ANKRD26: variants seen among roughly 807,000 people sequenced by gnomAD.
ANKRD26 encodes ankyrin repeat domain-containing protein 26.
Under a neutral mutation model 208.7 loss-of-function variants are expected in ANKRD26, and 141 were observed. That is an observed-to-expected ratio of 0.68 (90% CI 0.59 to 0.78). The LOEUF is 0.78. Ranked by LOEUF, ANKRD26 falls within the 30% of genes least tolerant of loss-of-function variation. The probability of loss-of-function intolerance (pLI) is 0.00; values close to 1 mark genes in which losing one functional copy is unlikely to be tolerated. For missense variants in ANKRD26, 1,889 were observed against 1,938.7 expected (o/e 0.97, Z 0.48); for synonymous variants, 636 against 660.4 (o/e 0.96, Z 0.57).
At chr10:26,963,929 T>TG in the ANKRD26 span, among the ~76,000 whole-genome samples, 1 of 142,178 alleles carries the variant, frequency 7.0e-6, no homozygotes, top group Non-Finnish European at 1.5e-5. Flanking sequence ...TTTTTTTTTT[T>TG]GAGACAGGAT....
At chr10:27,053,137 C>G (rs1470213280) in intron 16 of ANKRD26, among the ~76,000 whole-genome samples, 183 bp downstream of exon 16, 1 of 152,010 alleles carries the variant, frequency 6.6e-6, no homozygotes, top group Non-Finnish European at 1.5e-5. Flanking sequence ...AAAAGATTAG[C>G]TATAGGTTAC....
chr10:27,039,551 T>A (rs746209025), intron 21 of ANKRD26, among the ~76,000 whole-genome samples: 1 of 151,968 alleles, frequency 6.6e-6, no homozygotes, highest in Admixed American at 6.6e-5. Flanking sequence ...AATTTAAAAA[T>A]CTGGACCAAA....
Position 27,067,008 on chromosome 10 carries a change from T to C in ANKRD26, c.1207+149A>G. ...TTTTAGTAGAGATGGGGTTTCATCA[T>C]GTTGGCTAGGCTGGTCTCGAACTCC... On this transcript the variant is annotated intron_variant, in intron 10 of 33. Coordinates refer to ENST00000376087, the MANE Select transcript of ANKRD26 (RefSeq NM_014915.3). 3.9e-6 allele frequency: 3 copies of C among 766,456 alleles called. No homozygotes were observed. The East Asian group carries it at 8.4e-5, about 21-fold the overall frequency. 47.5% of individuals were successfully genotyped at this position (766,456 alleles called of 1,614,324 possible).
At chr10:27,089,175 G>A (rs561025653) in intron 4 of ANKRD26, among the ~76,000 whole-genome samples, 2 of 152,312 alleles carry the variant, frequency 1.3e-5, no homozygotes, top group African/African-American at 4.8e-5. Context: ...TGGCAACAAT[G>A]CAGCAACAAA....
chr10:27,036,603 T>C (rs2135205088), intron 23 of ANKRD26, among the ~76,000 whole-genome samples: 1 of 152,260 alleles, frequency 6.6e-6, no homozygotes, highest in East Asian at 1.9e-4. Flanking sequence ...GGGAGAAATA[T>C]GCTGAACTGT....
At chr10:27,091,912 A>G (rs2368197) in intron 4 of ANKRD26, among the ~76,000 whole-genome samples, 128,685 of 151,800 alleles carry the variant, frequency 0.85, 54,871 homozygotes, top group East Asian at 0.99. Flanking sequence ...GCTTGAACCC[A>G]GGAGGTGGAG....
chr10:27,092,268 G>C (rs2056324386), intron 4 of ANKRD26, 138 bp downstream of exon 4: 1 of 654,504 alleles, frequency 1.5e-6, no homozygotes, highest in East Asian at 2.8e-5. Flanking sequence ...TTTCTGACTT[G>C]AGTGAGAAAC....
chr10:27,066,504 A>G lies in ANKRD26; in HGVS notation c.1252T>C (p.Ser418Pro), dbSNP rs1330800696. 2 of 1,599,166 alleles carry G rather than the reference A, an allele frequency of 1.3e-6. No individual in the cohort carries two copies. The highest frequency in any genetic ancestry group is 1.7e-5 in the Admixed American group (1 of 59,926). Residue 418 changes from serine (S) to proline (P), a missense_variant, in exon 11 of 34, where the codon TCA (serine) becomes CCA (proline). Ser to Pro is a moderately conservative substitution (Grantham distance 74, BLOSUM62 -1). Coordinates refer to ENST00000376087, the MANE Select transcript of ANKRD26 (RefSeq NM_014915.3). ...LGLGQEEDIE[S>P]PWDSESISEN... The stretch of plus-strand genomic sequence containing the variant: ...GAAAGTACCTCAGAATCCCAAGGTG[A>G]TTCTATATCTTCCTCTTGTCCTAAT...
Position 27,082,819 on chromosome 10 carries a change from C to G in ANKRD26, c.724G>C (p.Glu242Gln), listed in dbSNP as rs2055975304. 6.3e-7 allele frequency: 1 copy of G among 1,589,864 alleles called. No homozygotes were observed. Among genetic ancestry groups the G allele is most frequent in the Admixed American group, 1.7e-5 (1 of 58,648 alleles). The stretch of plus-strand genomic sequence containing the variant: ...AAATACTACCTGCTTAAGGAGTCTT[C>G]AGAGCTTTCATCCACTATTAAAGAG... ...QNSNSVDESS[E>Q]DSLSRLSGKP... is the part of the protein sequence containing the mutation. Residue 242 changes from glutamate (E) to glutamine (Q), a missense_variant, in exon 6 of 34, where the codon GAA becomes CAA. By Grantham distance (29) the Glu-to-Gln change is conservative. Transcript: ENST00000376087.
At chr10:27,099,966 C>T in intron 1 of ANKRD26, 119 bp downstream of exon 1, 1 of 1,536,566 alleles carries the variant, frequency 6.5e-7, no homozygotes, top group Non-Finnish European at 8.9e-7. Flanking sequence ...GTCACCGTCC[C>T]AGGGGCTACG....
intron 9 of ANKRD26, among the ~76,000 whole-genome samples, chr10:27,076,855 T>A (rs894642336): frequency 3.3e-5 from 5 of 152,072 alleles, no homozygotes; most frequent in African/African-American, 1.2e-4. Context: ...TCAGTAATTT[T>A]AAAACCGCCA....
At chr10:27,063,931 T>C in intron 12 of ANKRD26, 57 bp downstream of exon 12, 1 of 1,359,864 alleles carries the variant, frequency 7.4e-7, no homozygotes, top group South Asian at 1.2e-5. Context: ...TCAACAGTCA[T>C]GTTTTTAAAT....
At chr10:26,971,591 G>T (rs1236318470), downstream of ANKRD26, among the ~76,000 whole-genome samples, 1 of 148,146 alleles carries the variant, frequency 6.8e-6, no homozygotes, top group South Asian at 2.1e-4. Context: ...CAGGAGAATC[G>T]CTTGAACTCA....
chr10:27,084,558 AG>A (rs2056045248), intron 5 of ANKRD26, among the ~76,000 whole-genome samples: 1 of 152,192 alleles, frequency 6.6e-6, no homozygotes, highest in African/African-American at 2.4e-5. Context: ...GTAGCATAGT[AG>A]CATTTTTGTT....
intron 15 of ANKRD26, among the ~76,000 whole-genome samples, chr10:27,059,454 A>G (rs1403808254): frequency 1.3e-5 from 2 of 152,226 alleles, no homozygotes; most frequent in African/African-American, 4.8e-5. Context: ...AGACGTATAC[A>G]TACACAGGAA....
chr10:27,002,769 C>G (rs148987515), downstream of ANKRD26, among the ~76,000 whole-genome samples: 9 of 152,304 alleles, frequency 5.9e-5, no homozygotes, highest in East Asian at 1.7e-3. Context: ...TTTTTGAACA[C>G]AAAAATAGTG....
At chr10:27,049,312 C>T (rs1330705209) in intron 16 of ANKRD26, among the ~76,000 whole-genome samples, 1 of 152,132 alleles carries the variant, frequency 6.6e-6, no homozygotes, top group African/African-American at 2.4e-5. Flanking sequence ...CCCCATTTTA[C>T]TGGCAGAAAC....
chr10:27,028,935 C>A lies in ANKRD26; in HGVS notation c.3889G>T (p.Asp1297Tyr). ...ACTGTAACTTTTAACTTGGCATTAT[C>A]TTTTTCAAGCCTGAAATGTATATTT... ...MQDHKQKLEK[D>Y]NAKLKVTVKK... Residue 1297 changes from aspartate to tyrosine, a missense_variant, in exon 27 of 34, where the codon GAT (aspartate) becomes TAT (tyrosine). Physicochemically the swap from Asp to Tyr is radical, Grantham distance 160. Around this residue, in one of 3 missense-constraint regions of ANKRD26, gnomAD observed 613 missense variants for 648.2 expected, o/e 0.95. Coordinates refer to ENST00000376087, the MANE Select transcript of ANKRD26 (RefSeq NM_014915.3). 4 of 1,609,018 alleles carry A rather than the reference C, an allele frequency of 2.5e-6. No individual in the cohort carries two copies. The highest frequency in any genetic ancestry group is 3.4e-6 in the Non-Finnish European group (4 of 1,176,398).
At chr10:26,958,407 C>T in the ANKRD26 span, among the ~76,000 whole-genome samples, 1 of 152,134 alleles carries the variant, frequency 6.6e-6, no homozygotes, top group African/African-American at 2.4e-5. Context: ...GTTATTAAGC[C>T]CAACATCCAT....
Sources: allele counts gnomAD v4.1 joint callset (sites outside exome capture counted in the v4.1 genomes callset), GRCh38; gene constraint gnomAD v4.1.1; regional missense constraint gnomAD v4.1.1; transcripts MANE v1.5; gene names NCBI Gene and HGNC (gene_info 2026-07-23, HGNC 2026-07-21).